CDH13: variants seen among roughly 807,000 people sequenced by gnomAD.
CDH13 encodes cadherin 13, also known as cadherin-13.
In CDH13, 24 loss-of-function variants were observed where a neutral mutation model predicts 63.8. The observed-to-expected ratio is 0.38, with a 90% confidence interval of 0.27 to 0.53. CDH13 has a LOEUF of 0.53. Among genes scored for constraint, CDH13 ranks in the 20% least tolerant of loss-of-function variants. CDH13 has a pLI of 0.85. For synonymous variants in CDH13, 503 were observed against 355.3 expected (o/e 1.42, Z -4.67); for missense variants, 1,049 against 903.1 (o/e 1.16, Z -2.07).
chr16:83,557,900 T>C (rs551935286), intron 7 of CDH13, among the ~76,000 whole-genome samples: 2 of 152,140 alleles, frequency 1.3e-5, no homozygotes, highest in South Asian at 2.1e-4. Flanking sequence ...AAAAACAATA[T>C]AAAAGAGAGA....
chr16:83,599,708 T>C (rs1598351432), intron 7 of CDH13, among the ~76,000 whole-genome samples: 1 of 152,206 alleles, frequency 6.6e-6, no homozygotes, highest in Non-Finnish European at 1.5e-5. Flanking sequence ...AGGAATTATA[T>C]TGGTAAATAT....
intron 1 of CDH13, among the ~76,000 whole-genome samples, chr16:82,782,339 A>G (rs2035793920): frequency 6.6e-6 from 1 of 152,210 alleles, no homozygotes; most frequent in South Asian, 2.1e-4. Context: ...AGGTGGGTGG[A>G]TCACGAGGTC....
In CDH13 at chr16:83,486,491, C is replaced by G. The variant is rs559812646; in HGVS notation, c.796C>G (p.Arg266Gly). The G allele has an allele frequency of 1.2e-6, 2 of 1,612,948 alleles. No individual in the cohort carries two copies. The highest frequency in any genetic ancestry group is 2.2e-5 in the South Asian group (2 of 91,034). Reference sequence around the variant, plus strand: ...TGCCCCGGTAGGCACCACAGTGATGCGGATGACAGCCTTTGATGCAGATGA... The same window carrying G: ...TGCCCCGGTAGGCACCACAGTGATGGGGATGACAGCCTTTGATGCAGATGA... The part of the protein sequence containing the change: ...EGSPTGTTVM[R>G]MTAFDADDPA... The change falls in exon 7 of 14, where the codon CGG (arginine) becomes GGG (glycine). Residue 266 changes from arginine to glycine, a missense_variant. Physicochemically the swap from Arg to Gly is moderately radical, Grantham distance 125 (BLOSUM62 -2). Transcript: ENST00000567109.
intron 5 of CDH13, among the ~76,000 whole-genome samples, chr16:83,278,046 C>G (rs2089047477): frequency 6.6e-6 from 1 of 152,150 alleles, no homozygotes; most frequent in South Asian, 2.1e-4. Context: ...TTCCTATTCT[C>G]CAAGAAGGCC....
chr16:82,738,389 A>G (rs903257823), intron 1 of CDH13, among the ~76,000 whole-genome samples: 1 of 152,194 alleles, frequency 6.6e-6, no homozygotes, highest in African/African-American at 2.4e-5. Flanking sequence ...GCCCATCCCA[A>G]ACAAAAATAA....
In CDH13 at chr16:82,858,515, A is replaced by G. The variant is rs1371233791; in HGVS notation, c.157+42A>G. On this transcript the variant is annotated intron_variant, in intron 2 of 13. Transcript: ENST00000567109. ...AAAGATGCTTTTAGACTCTTCTCAT[A>G]TTTGAATTTACTAATGTTTATGACT... is the stretch of plus-strand genomic sequence containing the variant. 8.6e-6 allele frequency: 10 copies of G among 1,160,578 alleles called. No homozygotes were observed. In the East Asian group the frequency reaches 2.1e-4, roughly 24 times the overall value. The allele number at this position is 1,160,578 out of a possible 1,614,324, so 71.9% of individuals were successfully genotyped here.
chr16:83,508,999 G>A (rs28657405), intron 7 of CDH13, among the ~76,000 whole-genome samples: 3,854 of 152,260 alleles, frequency 0.025, 161 homozygotes, highest in African/African-American at 0.087. Flanking sequence ...GTGCATGAGT[G>A]CCTGTGGGGT....
chr16:83,032,212 C>A lies in CDH13; in HGVS notation c.360C>A (p.Ser120=), dbSNP rs372200232. 1.9e-6 allele frequency: 3 copies of A among 1,612,772 alleles called. No homozygotes were observed. The highest frequency in any genetic ancestry group is 2.5e-6 in the Non-Finnish European group (3 of 1,179,026). Residue 120 remains serine (S), a synonymous_variant, in exon 3 of 14, where the codon TCC becomes TCA. Transcript: ENST00000567109. ...TCGGGGGGAAAGACATCCAGGGCTC[C>A]TTGCAGGTAACACATCTGTTTGAGA... ...VIVGGKDIQG[S]LQDIFKFART...
intron 1 of CDH13, among the ~76,000 whole-genome samples, chr16:82,810,781 G>A (rs1228622151): frequency 6.6e-6 from 1 of 152,050 alleles, no homozygotes; most frequent in African/African-American, 2.4e-5. Flanking sequence ...GAGAGAAGCT[G>A]GACCATGCAG....
intron 7 of CDH13, among the ~76,000 whole-genome samples, chr16:83,525,379 C>A (rs2074938490): frequency 6.6e-6 from 1 of 152,258 alleles, no homozygotes; most frequent in Non-Finnish European, 1.5e-5. Flanking sequence ...AGTTCTATAA[C>A]TTGCCTGTGG....
At position 83,748,436 on chromosome 16, in the gene CDH13, C is replaced by T. The variant is rs370432081; in HGVS notation, c.1681+186C>T. Among the ~76,000 whole-genome samples the T allele has an allele frequency of 1.9e-3, 291 of 152,296 alleles. 13 individuals carry two copies. The South Asian group carries it at 0.059, about 31-fold the overall frequency. On this transcript the variant is annotated intron_variant, in intron 11 of 13. Coordinates refer to ENST00000567109, the MANE Select transcript of CDH13 (RefSeq NM_001257.5). ...TAATATCTCCAAGTCCCAGAATCCT[C>T]AGATCTTTTTGGAAAGTGAATAATG... is the stretch of plus-strand genomic sequence containing the variant.
chr16:83,358,037 C>T (rs1160616444), intron 6 of CDH13, among the ~76,000 whole-genome samples: 2 of 152,170 alleles, frequency 1.3e-5, no homozygotes, highest in African/African-American at 4.8e-5. Context: ...ACTGAAACTT[C>T]AAGAAGCTAG....
intron 10 of CDH13, among the ~76,000 whole-genome samples, chr16:83,745,455 C>T (rs1005294690): frequency 6.6e-6 from 1 of 152,182 alleles, no homozygotes; most frequent in Non-Finnish European, 1.5e-5. Context: ...AGCCCAAAGA[C>T]CTCCAGATGA....
At chr16:82,819,509 T>G (rs1407468428) in intron 1 of CDH13, among the ~76,000 whole-genome samples, 2 of 152,162 alleles carry the variant, frequency 1.3e-5, no homozygotes, top group African/African-American at 4.8e-5. Context: ...TTGGCCCTAC[T>G]GGGAAGGAGA....
intron 10 of CDH13, among the ~76,000 whole-genome samples, chr16:83,720,945 G>A (rs1479941816): frequency 1.3e-5 from 2 of 152,230 alleles, no homozygotes; most frequent in Admixed American, 6.5e-5. Flanking sequence ...CGGTGTGGGA[G>A]CCATCAGGCC....
At chr16:83,433,114 T>C (rs1413787426) in intron 6 of CDH13, among the ~76,000 whole-genome samples, 3 of 152,216 alleles carry the variant, frequency 2.0e-5, no homozygotes, top group African/African-American at 7.2e-5. Context: ...AGGTGTTTAC[T>C]GAGCACCTAC....
intron 1 of CDH13, among the ~76,000 whole-genome samples, chr16:82,667,022 C>T (rs528824991): frequency 2.6e-5 from 4 of 152,254 alleles, no homozygotes; most frequent in South Asian, 2.1e-4. Flanking sequence ...CAAGCCAACT[C>T]GGAGCCTTCT....
chr16:83,184,701 G>C (rs1597481680), intron 4 of CDH13, among the ~76,000 whole-genome samples: 1 of 152,152 alleles, frequency 6.6e-6, no homozygotes, highest in African/African-American at 2.4e-5. Flanking sequence ...GTTGCAGTGA[G>C]CTGAGATCAT....
chr16:82,697,490 C>T (rs886924791), intron 1 of CDH13, among the ~76,000 whole-genome samples: 4 of 126,172 alleles, frequency 3.2e-5, no homozygotes, highest in East Asian at 2.7e-4. Flanking sequence ...AGTGCAGTGG[C>T]GTGATCTCGA....
Sources: allele counts gnomAD v4.1 joint callset (sites outside exome capture counted in the v4.1 genomes callset), GRCh38; gene constraint gnomAD v4.1.1; transcripts MANE v1.5; gene names NCBI Gene and HGNC (gene_info 2026-07-23, HGNC 2026-07-21).